PARD3: variants seen among roughly 807,000 people sequenced by gnomAD.
PARD3 encodes the protein par-3 family cell polarity regulator.
A neutral mutation model predicts 155.4 loss-of-function variants in PARD3; 75 were observed. The ratio of observed to expected loss-of-function variants is 0.48; its 90% CI spans 0.40 to 0.58. The LOEUF is 0.58. Among genes scored for constraint, PARD3 ranks in the 20% least tolerant of loss-of-function variants. PARD3 has a pLI of 0.00. For missense variants in PARD3, 1,642 were observed against 1,721.7 expected (o/e 0.95, Z 0.82); for synonymous variants, 576 against 610.5 (o/e 0.94, Z 0.83).
chr10:34,339,643 A>C (rs920674762), intron 16 of PARD3, among the ~76,000 whole-genome samples: 5 of 152,222 alleles, frequency 3.3e-5, no homozygotes, highest in African/African-American at 1.2e-4. Context: ...TAATGGATTG[A>C]AAATAGTATA....
intron 2 of PARD3, among the ~76,000 whole-genome samples, chr10:34,562,427 C>T (rs2085570797): frequency 6.6e-6 from 1 of 152,036 alleles, no homozygotes; most frequent in Non-Finnish European, 1.5e-5. Flanking sequence ...CAGAGTAAGA[C>T]TCTGTCTCAA....
At chr10:34,358,248 T>C (rs1219638119) in intron 14 of PARD3, among the ~76,000 whole-genome samples, 1 of 152,224 alleles carries the variant, frequency 6.6e-6, no homozygotes, top group Admixed American at 6.5e-5. Context: ...AATTTATTTT[T>C]AACTTTCAAA....
At chr10:34,547,090 T>C (rs2084140810) in intron 2 of PARD3, among the ~76,000 whole-genome samples, 1 of 152,216 alleles carries the variant, frequency 6.6e-6, no homozygotes, top group South Asian at 2.1e-4. Context: ...TGATGAAACT[T>C]AAACATTCAT....
At chr10:34,362,078 T>C (rs1287372037) in intron 12 of PARD3, among the ~76,000 whole-genome samples, 3 of 152,022 alleles carry the variant, frequency 2.0e-5, no homozygotes, top group African/African-American at 7.2e-5. Context: ...AGCAGGTGGA[T>C]CACGAGGTCA....
rs5784408 is a variant in PARD3 at position 34,301,818 on chromosome 10, CTTTT to C, written c.3065+15285_3065+15288del. On this transcript the variant is annotated intron_variant, in intron 20 of 24. Coordinates refer to ENST00000374788, the MANE Select transcript of PARD3 (RefSeq NM_001184785.2). ...TCTTTCTTATTGTTCTTTCTCCTTT[CTTTT>C]TTTTTTTTTTTTTTTTAACATCAAA... is the stretch of plus-strand genomic sequence containing the variant. Among the ~76,000 whole-genome samples the C allele has an allele frequency of 4.5e-3, 571 of 125,824 alleles. 8 individuals carry two copies. Among genetic ancestry groups the C allele is most frequent in the African/African-American group, 0.016 (550 of 33,580 alleles). 82.5% of individuals were successfully genotyped at this position (125,824 alleles called of 152,430 possible).
intron 1 of PARD3, among the ~76,000 whole-genome samples, chr10:34,737,149 G>A (rs1292809634): frequency 2.6e-5 from 4 of 152,208 alleles, no homozygotes; most frequent in African/African-American, 7.2e-5. Context: ...AGAAGCAGGG[G>A]TCTGCAGTAT....
intron 2 of PARD3, among the ~76,000 whole-genome samples, chr10:34,523,625 G>T (rs923963404): frequency 6.6e-6 from 1 of 152,180 alleles, no homozygotes; most frequent in African/African-American, 2.4e-5. Flanking sequence ...GTGCGTGTTT[G>T]AGAGATGACA....
At chr10:34,793,536 C>T (rs372362678) in intron 1 of PARD3, among the ~76,000 whole-genome samples, 8 of 152,208 alleles carry the variant, frequency 5.3e-5, no homozygotes, top group South Asian at 2.1e-4. Flanking sequence ...CCTGTAATCC[C>T]GGCACTTTGG....
chr10:34,379,625 C>T (rs1298619964), intron 9 of PARD3, among the ~76,000 whole-genome samples: 1 of 152,016 alleles, frequency 6.6e-6, no homozygotes, highest in South Asian at 2.1e-4. Flanking sequence ...ATTAAAATAT[C>T]AGCAACAACC....
At chr10:34,631,479 G>A (rs576026687) in intron 2 of PARD3, among the ~76,000 whole-genome samples, 4 of 152,280 alleles carry the variant, frequency 2.6e-5, no homozygotes, top group South Asian at 4.1e-4. Flanking sequence ...GCTGGTAAAG[G>A]ACCTGACCCC....
At chr10:34,704,106 A>G (rs1436656773) in intron 1 of PARD3, among the ~76,000 whole-genome samples, 1 of 152,210 alleles carries the variant, frequency 6.6e-6, no homozygotes, top group East Asian at 1.9e-4. Context: ...AACCTGGAGC[A>G]GAGTGACCAG....
chr10:34,446,968 A>G (rs1003961622), intron 5 of PARD3, among the ~76,000 whole-genome samples: 1 of 152,216 alleles, frequency 6.6e-6, no homozygotes, highest in Admixed American at 6.5e-5. Flanking sequence ...AAAATCATTA[A>G]TAATTTTAAA....
chr10:34,620,432 T>C (rs1007178985), intron 2 of PARD3, among the ~76,000 whole-genome samples: 4 of 152,188 alleles, frequency 2.6e-5, no homozygotes, highest in African/African-American at 9.7e-5. Flanking sequence ...ACAAAACATT[T>C]CACAAAACCT....
intron 12 of PARD3, among the ~76,000 whole-genome samples, chr10:34,366,279 A>G (rs1839959784): frequency 6.6e-6 from 1 of 152,364 alleles, no homozygotes; most frequent in Non-Finnish European, 1.5e-5. Context: ...ACTTTATTGT[A>G]AAATAACTTT....
intron 3 of PARD3, among the ~76,000 whole-genome samples, chr10:34,507,560 A>AC (rs71033317): frequency 1.3e-5 from 2 of 150,780 alleles, no homozygotes; most frequent in Non-Finnish European, 1.5e-5. Context: ...AAAAAAAAAA[A>AC]ACAAAAAAGG....
chr10:34,374,806 C>T, intron 11 of PARD3, 68 bp downstream of exon 11: 1 of 1,460,434 alleles, frequency 6.8e-7, no homozygotes, highest in Non-Finnish European at 9.4e-7. Flanking sequence ...CATTTGCCAT[C>T]AGGCAACTAA....
chr10:34,791,462 T>C (rs1841606304), intron 1 of PARD3, among the ~76,000 whole-genome samples: 1 of 151,910 alleles, frequency 6.6e-6, no homozygotes, highest in Admixed American at 6.6e-5. Flanking sequence ...CACCGAGCCC[T>C]GGATAAAGAG....
At chr10:34,799,856 G>A (rs1413757151) in intron 1 of PARD3, among the ~76,000 whole-genome samples, 1 of 151,872 alleles carries the variant, frequency 6.6e-6, no homozygotes, top group African/African-American at 2.4e-5. Context: ...AGCCAAGTGT[G>A]GTGGCGCATG....
rs113311481 is a variant in PARD3 at position 34,253,720 on chromosome 10, A to C, written c.3419+15937T>G. On this transcript the variant is annotated intron_variant, in intron 22 of 24. Coordinates refer to ENST00000374788, the MANE Select transcript of PARD3 (RefSeq NM_001184785.2). Reference sequence around the variant, plus strand: ...CTCAGAGAAGACACAGCTGTCTGCCAGTGGCTTTTCAGGGCAAGAGGTATC... The same window carrying C: ...CTCAGAGAAGACACAGCTGTCTGCCCGTGGCTTTTCAGGGCAAGAGGTATC... Among the ~76,000 whole-genome samples the C allele has an allele frequency of 6.3e-3, 961 of 152,330 alleles. 10 individuals are homozygous for C. The highest frequency in any genetic ancestry group is 0.022 in the African/African-American group (933 of 41,566).
Sources: gnomAD v4.1 joint callset for allele counts (sites outside exome capture counted in the v4.1 genomes callset) on GRCh38, gnomAD v4.1.1 for gene constraint, MANE v1.5 for transcripts, NCBI Gene and HGNC (gene_info 2026-07-23, HGNC 2026-07-21) for gene names.